Variants in NSMCE2 observed in about 807,000 individuals in gnomAD.
NSMCE2 encodes the protein NSE2 SUMO ligase component of SMC5/6 complex.
A neutral mutation model predicts 23.8 loss-of-function variants in NSMCE2; 24 were observed. The observed-to-expected ratio is 1.01, with a 90% confidence interval of 0.73 to 1.42. NSMCE2 has a LOEUF of 1.42. NSMCE2 is among the 40% of genes most tolerant of loss of function. NSMCE2 has a pLI of 0.00. For synonymous variants in NSMCE2, 92 were observed against 94.1 expected, an observed-to-expected ratio of 0.98 and a Z score of 0.13; for missense variants, 284 against 296.5, an observed-to-expected ratio of 0.96 and a Z score of 0.31.
chr8:125,227,871 AT>A (rs1409202159), intron 5 of NSMCE2, among the ~76,000 whole-genome samples: 1 of 152,018 alleles, frequency 6.6e-6, no homozygotes, highest in Admixed American at 6.6e-5. Context: ...GTTTAGTGTC[AT>A]TTTTTTAGTC....
intron 7 of NSMCE2, 54 bp from the exon 8 acceptor site, chr8:125,366,714 G>A: frequency 1.0e-6 from 1 of 1,004,778 alleles, no homozygotes; most frequent in South Asian, 1.3e-5. Flanking sequence ...TATAAAAGAA[G>A]TTTCTGCTTA....
intron 3 of NSMCE2, among the ~76,000 whole-genome samples, chr8:125,114,780 T>TATACACATAC (rs1434579777): frequency 6.6e-6 from 1 of 152,220 alleles, no homozygotes; most frequent in Admixed American, 6.5e-5. Flanking sequence ...CATACATACA[T>TATACACATAC]ATACACATAC....
chr8:125,223,995 C>T (rs1824987413), intron 5 of NSMCE2, among the ~76,000 whole-genome samples: 1 of 151,898 alleles, frequency 6.6e-6, no homozygotes, highest in Non-Finnish European at 1.5e-5. Flanking sequence ...CAAAACCATG[C>T]CTGGCTAATT....
At chr8:125,145,191 A>T (rs1401685811) in intron 3 of NSMCE2, among the ~76,000 whole-genome samples, 11 of 152,334 alleles carry the variant, frequency 7.2e-5, no homozygotes, top group Non-Finnish European at 1.5e-4. Context: ...GATTTAATTC[A>T]GTAGCCCTTC....
At chr8:125,221,436 G>T (rs1054658697) in intron 5 of NSMCE2, among the ~76,000 whole-genome samples, 1 of 152,134 alleles carries the variant, frequency 6.6e-6, no homozygotes, top group Non-Finnish European at 1.5e-5. Flanking sequence ...TAGACACAGG[G>T]TTTTGCCATG....
intron 5 of NSMCE2, among the ~76,000 whole-genome samples, chr8:125,285,095 G>C (rs1245843430): frequency 6.6e-6 from 1 of 152,138 alleles, no homozygotes; most frequent in Non-Finnish European, 1.5e-5. Context: ...AGTATCAGTT[G>C]AACTAGATCT....
chr8:125,144,050 G>T (rs769862949), intron 3 of NSMCE2, among the ~76,000 whole-genome samples: 3 of 152,138 alleles, frequency 2.0e-5, no homozygotes, highest in Non-Finnish European at 4.4e-5. Context: ...GGGAAAAGAG[G>T]GGGGGAAAGT....
At chr8:125,182,738 G>A (rs890859701) in intron 5 of NSMCE2, 1 of 161,362 alleles carries the variant, frequency 6.2e-6, no homozygotes, top group African/African-American at 2.4e-5. Flanking sequence ...TTAGCATTGT[G>A]GTAGTATAAA....
At chr8:125,322,964 T>G (rs1356635112) in intron 5 of NSMCE2, among the ~76,000 whole-genome samples, 1 of 152,040 alleles carries the variant, frequency 6.6e-6, no homozygotes, top group East Asian at 1.9e-4. Context: ...GAGGCTGAGG[T>G]GGGAGAATCG....
chr8:125,235,527 C>G (rs1440967473), intron 5 of NSMCE2, among the ~76,000 whole-genome samples: 1 of 152,080 alleles, frequency 6.6e-6, no homozygotes, highest in Non-Finnish European at 1.5e-5. Context: ...TACACCCACA[C>G]CTGTGTACAC....
chr8:125,272,467 A>T (rs1827243549), intron 5 of NSMCE2, among the ~76,000 whole-genome samples: 1 of 150,760 alleles, frequency 6.6e-6, no homozygotes, highest in Admixed American at 6.7e-5. Context: ...GAGGTGACCA[A>T]ATGACTAACC....
intron 7 of NSMCE2, among the ~76,000 whole-genome samples, chr8:125,362,145 C>T (rs561737064): frequency 1.3e-4 from 20 of 152,322 alleles, no homozygotes; most frequent in South Asian, 4.1e-4. Context: ...AGCGATGATG[C>T]GGCAGCTGAA....
chr8:125,263,675 G>A (rs1826794073), intron 5 of NSMCE2, among the ~76,000 whole-genome samples: 2 of 151,848 alleles, frequency 1.3e-5, no homozygotes, highest in Admixed American at 1.3e-4. Context: ...TCTTGAACCC[G>A]GGAGGCAGAG....
intron 5 of NSMCE2, among the ~76,000 whole-genome samples, chr8:125,204,737 C>G (rs886995284): frequency 6.6e-6 from 1 of 152,172 alleles, no homozygotes; most frequent in Non-Finnish European, 1.5e-5. Flanking sequence ...GCTGTCTAGT[C>G]CCATTCCTAA....
At chr8:125,208,930 T>C (rs531893913) in intron 5 of NSMCE2, among the ~76,000 whole-genome samples, 44 of 152,348 alleles carry the variant, frequency 2.9e-4, no homozygotes, top group African/African-American at 1.1e-3. Context: ...TTGCTGTCAA[T>C]GTTTTTTTCC....
At chr8:125,287,634 C>A (rs1827952008) in intron 5 of NSMCE2, among the ~76,000 whole-genome samples, 1 of 152,212 alleles carries the variant, frequency 6.6e-6, no homozygotes, top group African/African-American at 2.4e-5. Flanking sequence ...TACAAACCCA[C>A]TCAACCCTTT....
At chr8:125,097,965 GC>G (rs1818013540) in intron 1 of NSMCE2, among the ~76,000 whole-genome samples, 1 of 152,050 alleles carries the variant, frequency 6.6e-6, no homozygotes. Context: ...TTTATTACTG[GC>G]ATCTCTGTCT....
At chr8:125,356,327 T>G (rs949234991) in intron 5 of NSMCE2, among the ~76,000 whole-genome samples, 20 of 36,838 alleles carry the variant, frequency 5.4e-4, no homozygotes, top group South Asian at 2.3e-3. Flanking sequence ...AATTTTTTGG[T>G]TTTTTTTTTT....
chr8:125,275,915 A>G (rs568713917), intron 5 of NSMCE2, among the ~76,000 whole-genome samples: 5 of 152,304 alleles, frequency 3.3e-5, no homozygotes, highest in African/African-American at 9.6e-5. Flanking sequence ...TAACTCTGTT[A>G]TGTCTTTAGC....
Sources: allele counts gnomAD v4.1 joint callset (sites outside exome capture counted in the v4.1 genomes callset), GRCh38; gene constraint gnomAD v4.1.1; transcripts MANE v1.5; gene names NCBI Gene and HGNC (gene_info 2026-07-23, HGNC 2026-07-21).